Variants in XIRP2 observed in about 807,000 individuals in gnomAD.
XIRP2 encodes xin actin-binding repeat-containing protein 2.
In XIRP2, 236 loss-of-function variants were observed where a neutral mutation model predicts 277.0. That is an observed-to-expected ratio of 0.85 (90% CI 0.77 to 0.95). XIRP2 has a LOEUF of 0.95. Ranked by LOEUF, XIRP2 falls within the 40% of genes least tolerant of loss-of-function variation. The probability of loss-of-function intolerance (pLI) is 0.00; values close to 1 mark genes in which losing one functional copy is unlikely to be tolerated. For missense variants in XIRP2, 4,640 were observed against 4,157.5 expected, an observed-to-expected ratio of 1.12 and a Z score of -3.19; for synonymous variants, 1,490 against 1,416.5, an observed-to-expected ratio of 1.05 and a Z score of -1.17.
At chr2:167,181,560 G>C (rs1693008665) in intron 3 of XIRP2, among the ~76,000 whole-genome samples, 1 of 151,410 alleles carries the variant, frequency 6.6e-6, no homozygotes, top group Non-Finnish European at 1.5e-5. Context: ...AGGTTGACAA[G>C]AAGCCTATCA....
intron 2 of XIRP2, among the ~76,000 whole-genome samples, chr2:167,025,847 C>T (rs1688136847): frequency 6.6e-6 from 1 of 151,944 alleles, no homozygotes; most frequent in Non-Finnish European, 1.5e-5. Context: ...TGTTCTTTTA[C>T]ATTTGCTGAG....
rs147656892 is a variant in XIRP2 at position 167,135,938 on chromosome 2, G to A, written c.438G>A (p.Ser146=). Residue 146 remains serine (S), a synonymous_variant, in exon 3 of 11, where the codon TCG becomes TCA. Coordinates refer to ENST00000409195, the MANE Select transcript of XIRP2 (RefSeq NM_152381.6). ...KEVEIERSLC[S]PAFKSHPGSQ... is the part of the protein sequence containing the mutation. ...TGGAAATTGAGCGAAGTTTGTGCTCGCCAGCTTTTAAGAGTCACCCTGGGA... is the reference window on the plus strand; with the variant it reads ...TGGAAATTGAGCGAAGTTTGTGCTCACCAGCTTTTAAGAGTCACCCTGGGA... 164 of 1,602,500 alleles carry A rather than the reference G, an allele frequency of 1.0e-4. No homozygotes were observed. In the African/African-American group the frequency reaches 1.2e-3, roughly 11 times the overall value.
intron 3 of XIRP2, among the ~76,000 whole-genome samples, chr2:167,168,846 C>T (rs1206061363): frequency 6.6e-6 from 1 of 152,052 alleles, no homozygotes. Context: ...GATCTCCTGA[C>T]CTCGTGATCC....
chr2:167,001,687 T>C (rs1687378106), intron 2 of XIRP2, among the ~76,000 whole-genome samples: 1 of 152,162 alleles, frequency 6.6e-6, no homozygotes, highest in African/African-American at 2.4e-5. Context: ...ACTTAGGATT[T>C]TGTAAGTGCC....
intron 2 of XIRP2, among the ~76,000 whole-genome samples, chr2:167,036,677 A>G (rs1431050905): frequency 2.0e-5 from 3 of 152,002 alleles, no homozygotes; most frequent in Non-Finnish European, 2.9e-5. Context: ...TTGGGAAAGC[A>G]TGATTGGTTT....
At chr2:167,257,489 A>G (rs57951326) in intron 10 of XIRP2, among the ~76,000 whole-genome samples, 20 of 151,944 alleles carry the variant, frequency 1.3e-4, no homozygotes, top group Non-Finnish European at 2.1e-4. Context: ...AAAGAAGCTC[A>G]TATTGTTGAT....
chr2:167,042,418 C>T (rs750281849), intron 2 of XIRP2, among the ~76,000 whole-genome samples: 7 of 152,130 alleles, frequency 4.6e-5, no homozygotes, highest in Non-Finnish European at 8.8e-5. Flanking sequence ...AAGCAAGACT[C>T]AACTGTATGT....
chr2:167,096,804 G>T (rs964453982), intron 2 of XIRP2, among the ~76,000 whole-genome samples: 3 of 151,736 alleles, frequency 2.0e-5, no homozygotes, highest in Non-Finnish European at 4.4e-5. Flanking sequence ...TTTTATTTAC[G>T]CAGTAGTCAC....
At chr2:167,201,264 G>A (rs111504045) in intron 3 of XIRP2, among the ~76,000 whole-genome samples, 193 of 130,014 alleles carry the variant, frequency 1.5e-3, no homozygotes, top group African/African-American at 4.1e-3. Context: ...GAAAGAAAGA[G>A]AGAGGGAGAA....
intron 2 of XIRP2, among the ~76,000 whole-genome samples, chr2:167,122,776 A>G (rs1478076046): frequency 6.6e-6 from 1 of 152,196 alleles, no homozygotes; most frequent in East Asian, 1.9e-4. Context: ...AGTATGGATC[A>G]ATAGGTACAT....
At chr2:166,944,809 A>G (rs537083780) in intron 2 of XIRP2, among the ~76,000 whole-genome samples, 23 of 152,182 alleles carry the variant, frequency 1.5e-4, no homozygotes, top group Non-Finnish European at 2.6e-4. Context: ...ATCAAACCAT[A>G]AAGACATTAA....
intron 2 of XIRP2, among the ~76,000 whole-genome samples, chr2:167,025,663 C>T (rs2105493579): frequency 6.6e-6 from 1 of 152,108 alleles, no homozygotes; most frequent in East Asian, 1.9e-4. Context: ...TGTCTTTGTT[C>T]TCATTGGTTT....
At position 167,243,691 on chromosome 2, in the gene XIRP2, G is replaced by C; in HGVS notation, c.2299G>C (p.Val767Leu). 1 of 1,614,040 alleles carries C rather than the reference G, an allele frequency of 6.2e-7. No individual in the cohort carries two copies. The highest frequency in any genetic ancestry group is 8.5e-7 in the Non-Finnish European group (1 of 1,179,956). ...CAGAGAAGACGTTGAAAAGGGAGATGTAAGAACAGCACGGTGGATGTTTGA... is the reference window on the plus strand; with the variant it reads ...CAGAGAAGACGTTGAAAAGGGAGATCTAAGAACAGCACGGTGGATGTTTGA... ...VHREDVEKGD[V>L]RTARWMFETQ... Residue 767 changes from valine (V) to leucine (L), a missense_variant, in exon 9 of 11, where the codon GTA (valine) becomes CTA (leucine). Coordinates refer to ENST00000409195, the MANE Select transcript of XIRP2 (RefSeq NM_152381.6).
chr2:167,126,328 G>A (rs1691202882), intron 2 of XIRP2, among the ~76,000 whole-genome samples: 1 of 152,084 alleles, frequency 6.6e-6, no homozygotes, highest in South Asian at 2.1e-4. Flanking sequence ...CCAGTGAAGG[G>A]CTAAGCCAAG....
chr2:167,202,097 G>A (rs1039614407), intron 3 of XIRP2, among the ~76,000 whole-genome samples: 10 of 152,104 alleles, frequency 6.6e-5, no homozygotes, highest in East Asian at 1.9e-4. Context: ...TGTAATATAC[G>A]TCTGATTGTA....
chr2:167,154,191 G>A (rs1356986982), intron 3 of XIRP2, among the ~76,000 whole-genome samples: 1 of 149,260 alleles, frequency 6.7e-6, no homozygotes, highest in Non-Finnish European at 1.5e-5. Flanking sequence ...GTGTTTTTTG[G>A]CTGCATAAAT....
intron 4 of XIRP2, among the ~76,000 whole-genome samples, chr2:167,215,420 A>C (rs1694214661): frequency 6.6e-6 from 1 of 152,252 alleles, no homozygotes; most frequent in Admixed American, 6.5e-5. Context: ...TTAGTAAAGC[A>C]ACAACTTGAG....
rs759629690 is a variant in XIRP2 at position 167,258,066 on chromosome 2, C to T, written c.*249C>T. The stretch of plus-strand genomic sequence containing the variant: ...AATATTGCAGAAAACACCCTTGTAC[C>T]TGGAGATCGTAATGAACATTTAGAT... On this transcript the variant is annotated 3_prime_UTR_variant, in exon 11 of 11. Transcript: ENST00000409195. 1.9e-6 allele frequency: 3 copies of T among 1,612,838 alleles called. No individual in the cohort carries two copies. The African/African-American group carries it at 4.0e-5, about 22-fold the overall frequency.
At chr2:167,145,237 A>C (rs1049387188) in intron 3 of XIRP2, among the ~76,000 whole-genome samples, 6 of 152,172 alleles carry the variant, frequency 3.9e-5, no homozygotes, top group Non-Finnish European at 8.8e-5. Context: ...TGTTATCTAC[A>C]ATTCCCACTC....
Sources: gnomAD v4.1 joint callset for allele counts (sites outside exome capture counted in the v4.1 genomes callset) on GRCh38, gnomAD v4.1.1 for gene constraint, MANE v1.5 for transcripts, NCBI Gene and HGNC (gene_info 2026-07-23, HGNC 2026-07-21) for gene names.